The following CWC27 variants were observed in gnomAD, a reference collection of about 807,000 sequenced individuals.
The protein encoded by CWC27 is spliceosome-associated protein CWC27 homolog.
Under a neutral mutation model 63.6 loss-of-function variants are expected in CWC27, and 47 were observed. The observed-to-expected ratio is 0.74, with a 90% confidence interval of 0.58 to 0.94. The LOEUF (loss-of-function observed/expected upper bound fraction) is 0.94, where lower values mean the gene tolerates loss of function less well. Among genes scored for constraint, CWC27 ranks in the 40% least tolerant of loss-of-function variants. The pLI, the probability that CWC27 is intolerant of heterozygous loss-of-function variation, is 0.00. For missense variants in CWC27, 495 were observed against 554.3 expected (o/e 0.89, Z 1.07); for synonymous variants, 175 against 179.8 (o/e 0.97, Z 0.22).
chr5:64,859,999 A>G (rs1366621518), intron 10 of CWC27, among the ~76,000 whole-genome samples: 2 of 152,216 alleles, frequency 1.3e-5, no homozygotes, highest in Non-Finnish European at 2.9e-5. Context: ...CTAATATGTT[A>G]ACTCTAAACC....
chr5:65,006,004 T>A (rs979410750), intron 13 of CWC27, among the ~76,000 whole-genome samples: 1 of 152,216 alleles, frequency 6.6e-6, no homozygotes, highest in Non-Finnish European at 1.5e-5. Context: ...GTTAGTAATG[T>A]CATCATTCTT....
chr5:64,925,051 G>C (rs1748080651), intron 11 of CWC27, among the ~76,000 whole-genome samples: 1 of 152,022 alleles, frequency 6.6e-6, no homozygotes, highest in South Asian at 2.1e-4. Flanking sequence ...TCTAATATGA[G>C]TTAAAGCAAT....
chr5:64,914,154 A>G (rs949678508), intron 11 of CWC27, among the ~76,000 whole-genome samples: 4 of 152,168 alleles, frequency 2.6e-5, no homozygotes, highest in Admixed American at 1.3e-4. Flanking sequence ...CCAGACATAA[A>G]AACTAATTCC....
chr5:65,002,319 T>A (rs1749745773), intron 13 of CWC27, among the ~76,000 whole-genome samples: 1 of 152,168 alleles, frequency 6.6e-6, no homozygotes, highest in South Asian at 2.1e-4. Context: ...TAATTCTGTC[T>A]AATCTTTATT....
Position 65,006,960 on chromosome 5 carries a change from CAGAAAGAAAGAAAGAAAGAAAGAA to C in CWC27, c.1257-11157_1257-11134del, listed in dbSNP as rs200204473. Among the ~76,000 whole-genome samples, 397 of 121,214 alleles carry C rather than the reference CAGAAAGAAAGAAAGAAAGAAAGAA, an allele frequency of 3.3e-3. 1 individual carries two copies. The highest frequency in any genetic ancestry group is 0.011 in the Middle Eastern group (3 of 262). The allele number at this position is 121,214 out of a possible 152,430, so 79.5% of individuals were successfully genotyped here. Reference sequence around the variant, plus strand: ...TAAAATACACGTTTATTTAAAAAGACAGAAAGAAAGAAAGAAAGAAAGAAAGAAAGAAAGAAAGAAAGAAAGAAA... The same window carrying C: ...TAAAATACACGTTTATTTAAAAAGACAGAAAGAAAGAAAGAAAGAAAGAAA... On this transcript the variant is annotated intron_variant, in intron 13 of 13. Coordinates refer to ENST00000381070, the MANE Select transcript of CWC27 (RefSeq NM_005869.4).
chr5:64,822,629 G>A (rs1745235534), intron 10 of CWC27, among the ~76,000 whole-genome samples: 1 of 152,126 alleles, frequency 6.6e-6, no homozygotes, highest in Admixed American at 6.6e-5. Flanking sequence ...ACCAGATAAT[G>A]ATTTACCTTC....
At chr5:64,933,406 G>T (rs563227080) in intron 11 of CWC27, among the ~76,000 whole-genome samples, 1 of 151,792 alleles carries the variant, frequency 6.6e-6, no homozygotes, top group African/African-American at 2.4e-5. Flanking sequence ...CTTTTACCTC[G>T]ATTTGCCAGT....
chr5:64,904,152 C>T (rs893160432), intron 11 of CWC27, among the ~76,000 whole-genome samples: 1 of 152,208 alleles, frequency 6.6e-6, no homozygotes, highest in Non-Finnish European at 1.5e-5. Flanking sequence ...CTTCCAAATC[C>T]TTCCAGCTTC....
chr5:64,996,822 T>C (rs1749642248), intron 13 of CWC27, among the ~76,000 whole-genome samples: 1 of 152,198 alleles, frequency 6.6e-6, no homozygotes, highest in Admixed American at 6.5e-5. Context: ...TCAGTATTTT[T>C]ATGGCATTCT....
At chr5:64,973,716 T>G (rs1749169210) in intron 12 of CWC27, among the ~76,000 whole-genome samples, 1 of 152,162 alleles carries the variant, frequency 6.6e-6, no homozygotes, top group African/African-American at 2.4e-5. Context: ...CAAGAGGATG[T>G]TTTTTGTTTG....
At chr5:64,909,868 C>T (rs558082745) in intron 11 of CWC27, among the ~76,000 whole-genome samples, 300 of 152,208 alleles carry the variant, frequency 2.0e-3, no homozygotes, top group African/African-American at 6.8e-3. Flanking sequence ...GCAATGGGTT[C>T]GACCATCCTG....
intron 10 of CWC27, among the ~76,000 whole-genome samples, chr5:64,820,943 G>T (rs1023378327): frequency 2.0e-5 from 3 of 151,586 alleles, no homozygotes; most frequent in African/African-American, 7.3e-5. Context: ...CAAACCTTTG[G>T]TTCTGTGATA....
rs947521934 is a variant in CWC27 at position 64,860,210 on chromosome 5, A to G, written c.939-25233A>G. The stretch of plus-strand genomic sequence containing the variant: ...CAAGTCCTTACAATTTAATAATGTT[A>G]TTTATTTGCTGATATTTAAATGAAT... On this transcript the variant is annotated intron_variant, in intron 10 of 13. Coordinates refer to ENST00000381070, the MANE Select transcript of CWC27 (RefSeq NM_005869.4). Among the ~76,000 whole-genome samples, 8 of 152,172 alleles carry G rather than the reference A, an allele frequency of 5.3e-5. No homozygotes were observed. The East Asian group carries it at 9.6e-4, about 18-fold the overall frequency.
chr5:64,811,773 A>G (rs1419844811), intron 10 of CWC27, among the ~76,000 whole-genome samples: 1 of 152,104 alleles, frequency 6.6e-6, no homozygotes, highest in Non-Finnish European at 1.5e-5. Flanking sequence ...CTATAATGAT[A>G]GCATCAGGAA....
intron 7 of CWC27, among the ~76,000 whole-genome samples, chr5:64,791,987 G>A (rs1279913548): frequency 1.3e-5 from 2 of 152,036 alleles, no homozygotes; most frequent in Non-Finnish European, 2.9e-5. Flanking sequence ...CTGGACTGGT[G>A]TGGTAGTCTA....
intron 11 of CWC27, among the ~76,000 whole-genome samples, chr5:64,933,955 TA>T (rs1197509736): frequency 6.6e-6 from 1 of 152,240 alleles, no homozygotes; most frequent in African/African-American, 2.4e-5. Context: ...TCTTTTATTC[TA>T]ATAATGTCCT....
intron 10 of CWC27, among the ~76,000 whole-genome samples, chr5:64,805,443 G>A (rs1744635618): frequency 6.6e-6 from 1 of 151,404 alleles, no homozygotes; most frequent in South Asian, 2.1e-4. Flanking sequence ...GATTCATAGA[G>A]TTGAAAAACC....
rs76952866 is a variant in CWC27 at position 64,844,981 on chromosome 5, A to T, written c.939-40462A>T. 8.9e-4 allele frequency: 408 copies of T among 456,726 alleles called. 1 individual carries two copies. Among genetic ancestry groups the T allele is most frequent in the African/African-American group, 7.5e-3 (375 of 50,206 alleles). 28.3% of individuals were successfully genotyped at this position (456,726 alleles called of 1,614,324 possible). On this transcript the variant is annotated intron_variant, in intron 10 of 13. Transcript: ENST00000381070. ...ACAGCCCGGCCCAACTGCAGATCTC[A>T]AATAGCAGAATTGCCCATCCAGGGA...
At chr5:64,896,866 C>T (rs1226043995) in intron 11 of CWC27, among the ~76,000 whole-genome samples, 2 of 152,142 alleles carry the variant, frequency 1.3e-5, no homozygotes, top group African/African-American at 4.8e-5. Flanking sequence ...GTTTGTCAAA[C>T]TGGGCCAAAA....
Sources: gnomAD v4.1 joint callset for allele counts (sites outside exome capture counted in the v4.1 genomes callset) on GRCh38, gnomAD v4.1.1 for gene constraint, MANE v1.5 for transcripts, NCBI Gene and HGNC (gene_info 2026-07-23, HGNC 2026-07-21) for gene names.